Variants in UBXN7 observed in about 807,000 individuals in gnomAD.
The protein encoded by UBXN7 is UBX domain protein 7.
In UBXN7, 9 loss-of-function variants were observed where a neutral mutation model predicts 58.0. The observed-to-expected ratio is 0.16, with a 90% CI of 0.09 to 0.27. The LOEUF is 0.27. Among genes scored for constraint, UBXN7 ranks in the 10% least tolerant of loss-of-function variants. The pLI is 1.00. For missense variants in UBXN7, 328 were observed against 599.6 expected (o/e 0.55, Z 4.73); for synonymous variants, 208 against 205.0 (o/e 1.01, Z -0.12).
At chr3:196,415,185 G>A (rs1041377536) in intron 1 of UBXN7, among the ~76,000 whole-genome samples, 8 of 136,662 alleles carry the variant, frequency 5.9e-5, no homozygotes, top group African/African-American at 1.4e-4. Flanking sequence ...ACAGAGTCTC[G>A]TTCTGTTGCC....
intron 2 of UBXN7, among the ~76,000 whole-genome samples, 175 bp downstream of exon 2, chr3:196,407,071 C>G (rs1037131598): frequency 6.6e-6 from 1 of 152,254 alleles, no homozygotes; most frequent in African/African-American, 2.4e-5. Flanking sequence ...ATAAGCAAGA[C>G]AGTACTCTAA....
chr3:196,402,961 A>G lies in UBXN7; in HGVS notation c.280T>C (p.Leu94=). ...AAAAAAGTGAACTTACCACCAAATA[A>G]TGGTTCTGGTTCCACCAGTATTTCC... The part of the protein sequence containing the change: ...KQEILVEPEP[L]FGAPKRRRPA... The change falls in exon 3 of 11, where the codon TTA becomes CTA. Residue 94 remains leucine, a synonymous_variant. Coordinates refer to ENST00000296328, the MANE Select transcript of UBXN7 (RefSeq NM_015562.2). 1 of 1,596,652 alleles carries G rather than the reference A, an allele frequency of 6.3e-7. No individual in the cohort carries two copies.
At chr3:196,397,740 G>C (rs1407867555) in intron 3 of UBXN7, 1 of 152,298 alleles carries the variant, frequency 6.6e-6, no homozygotes, top group Non-Finnish European at 1.5e-5. Flanking sequence ...TCAGCCTCCA[G>C]AGTAGCTGAG....
rs1288795424 is a variant in UBXN7, at chr3:196,348,075, T to C, written c.*8610A>G. ...GTTTTAGAGCAAGTGGAAGTTCCAT[T>C]GAGTCTTAGCCAGTAGTTACAACTC... is the stretch of plus-strand genomic sequence containing the variant. On this transcript the variant is annotated 3_prime_UTR_variant, in exon 11 of 11. Transcript: ENST00000296328. 1 of 152,088 alleles carries C rather than the reference T, an allele frequency of 6.6e-6. No homozygotes were observed. The highest frequency in any genetic ancestry group is 1.5e-5 in the Non-Finnish European group (1 of 68,012). 9.4% of individuals were successfully genotyped at this position (152,088 alleles called of 1,614,324 possible). A position where few individuals can be genotyped will look rare whatever the true frequency, so the allele number is the denominator to read the frequency against.
Position 196,417,750 on chromosome 3 carries a change from A to C in UBXN7, c.74-10357T>G, listed in dbSNP as rs190297021. On this transcript the variant is annotated intron_variant, in intron 1 of 10. Transcript: ENST00000296328. ...AAAAAAAAAAAAAAAAAAAAAAAAA[A>C]AAAAAAACCATCTCTACAAAAAAGA... Among the ~76,000 whole-genome samples, 760 of 148,962 alleles carry C rather than the reference A, an allele frequency of 5.1e-3. 6 individuals are homozygous for C. The highest frequency in any genetic ancestry group is 8.9e-3 in the Non-Finnish European group (600 of 67,108).
At chr3:196,410,641 G>A (rs1259004282) in intron 1 of UBXN7, among the ~76,000 whole-genome samples, 1 of 152,156 alleles carries the variant, frequency 6.6e-6, no homozygotes, top group East Asian at 1.9e-4. Context: ...GGCCAAGATG[G>A]TGAAACCCCA....
At chr3:196,387,851 T>C (rs971108592) in intron 5 of UBXN7, among the ~76,000 whole-genome samples, 2 of 149,828 alleles carry the variant, frequency 1.3e-5, no homozygotes, top group African/African-American at 2.5e-5. Context: ...GGTGGGAGTG[T>C]AAATTAGTTC....
intron 5 of UBXN7, among the ~76,000 whole-genome samples, chr3:196,388,443 A>G (rs370731319): frequency 1.3e-5 from 2 of 151,470 alleles, no homozygotes; most frequent in Admixed American, 1.3e-4. Context: ...AACTTAAAGT[A>G]TAATAAAAGA....
At chr3:196,367,017 T>C (rs1160012402) in intron 8 of UBXN7, among the ~76,000 whole-genome samples, 2 of 152,042 alleles carry the variant, frequency 1.3e-5, no homozygotes, top group Non-Finnish European at 2.9e-5. Context: ...ACCCCATCTC[T>C]ACTAAAACTA....
chr3:196,397,318 G>C (rs919213860), intron 3 of UBXN7, among the ~76,000 whole-genome samples: 2 of 152,214 alleles, frequency 1.3e-5, no homozygotes, highest in African/African-American at 4.8e-5. Flanking sequence ...AGTGAGAAGA[G>C]TGGCACTGTT....
At chr3:196,364,984 T>C (rs527344836) in intron 8 of UBXN7, among the ~76,000 whole-genome samples, 5 of 152,178 alleles carry the variant, frequency 3.3e-5, no homozygotes, top group Non-Finnish European at 5.9e-5. Flanking sequence ...ATTGCACATA[T>C]AGCATGTAGC....
In UBXN7 at chr3:196,349,476, T is replaced by C. The variant is rs1347851711; in HGVS notation, c.*7209A>G. On this transcript the variant is annotated 3_prime_UTR_variant, in exon 11 of 11. Transcript: ENST00000296328. ...CATATTTATATTTGGAATTACACCA[T>C]TTGATATCTCCATTAAGAATGCAAA... is the stretch of plus-strand genomic sequence containing the variant. 1 of 152,242 alleles carries C rather than the reference T, an allele frequency of 6.6e-6. No homozygotes were observed. Among genetic ancestry groups the C allele is most frequent in the Admixed American group, 6.5e-5 (1 of 15,290 alleles). 9.4% of individuals were successfully genotyped at this position (152,242 alleles called of 1,614,324 possible).
intron 1 of UBXN7, among the ~76,000 whole-genome samples, chr3:196,417,139 C>T (rs1413918958): frequency 2.0e-5 from 3 of 152,126 alleles, no homozygotes; most frequent in Non-Finnish European, 2.9e-5. Context: ...CGGTGAAACC[C>T]CGTCTCTACT....
intron 5 of UBXN7, among the ~76,000 whole-genome samples, chr3:196,385,308 A>G (rs9817684): frequency 0.52 from 79,224 of 151,992 alleles, 21,087 homozygotes; most frequent in East Asian, 0.87. Flanking sequence ...TCAGTGCTCA[A>G]TGTTGCCCAG....
At chr3:196,375,004 G>GAGGGAGGACGGAAGGAAGGAAGGAAGGA in intron 5 of UBXN7, among the ~76,000 whole-genome samples, 1 of 37,532 alleles carries the variant, frequency 2.7e-5, no homozygotes, top group African/African-American at 1.5e-4. Context: ...GGGAGGGAGG[G>GAGGGAGGACGGAAGGAAGGAAGGAAGGA]AGGAAGGAAG....
At position 196,384,190 on chromosome 3, in the gene UBXN7, G is replaced by C. The variant is rs1577449861; in HGVS notation, c.468+7623C>G. The stretch of plus-strand genomic sequence containing the variant: ...TAAACACCTCTATGCAAATAAACTA[G>C]AAAATCTAGAAGAAATGGGCAAATT... On this transcript the variant is annotated intron_variant, in intron 5 of 10. Transcript: ENST00000296328. 5.9e-5 allele frequency among the ~76,000 whole-genome samples: 9 copies of C among 152,172 alleles called. No homozygotes were observed. The South Asian group carries it at 1.9e-3, about 32-fold the overall frequency.
At chr3:196,371,693 G>A (rs947304635) in intron 6 of UBXN7, among the ~76,000 whole-genome samples, 3 of 152,128 alleles carry the variant, frequency 2.0e-5, no homozygotes, top group Non-Finnish European at 4.4e-5. Flanking sequence ...ATGTTGGCCA[G>A]GCTGGTCTCA....
At chr3:196,362,887 AC>A (rs1348922035) in intron 8 of UBXN7, among the ~76,000 whole-genome samples, 200 bp from the exon 9 acceptor site, 7 of 151,982 alleles carry the variant, frequency 4.6e-5, no homozygotes, top group Non-Finnish European at 7.4e-5. Flanking sequence ...ATACACACAC[AC>A]ACGTTTTTGT....
In UBXN7 at chr3:196,354,772, G is replaced by C. The variant is rs987258527; in HGVS notation, c.*1913C>G. The C allele has an allele frequency of 3.3e-5, 5 of 152,054 alleles. No individual in the cohort carries two copies. Among genetic ancestry groups the C allele is most frequent in the Admixed American group, 3.3e-4 (5 of 15,254 alleles). The allele number at this position is 152,054 out of a possible 1,614,324, so 9.4% of individuals were successfully genotyped here. On this transcript the variant is annotated 3_prime_UTR_variant, in exon 11 of 11. Coordinates refer to ENST00000296328, the MANE Select transcript of UBXN7 (RefSeq NM_015562.2). ...CAAGAACCTAAGAAAAAACACCAAA[G>C]TGTAAGTATTACTCAGTCACCAATC...
Sources: allele counts gnomAD v4.1 joint callset (sites outside exome capture counted in the v4.1 genomes callset), GRCh38; gene constraint gnomAD v4.1.1; transcripts MANE v1.5; gene names NCBI Gene and HGNC (gene_info 2026-07-23, HGNC 2026-07-21).